Variants in ESRRB observed in about 807,000 individuals in gnomAD.
ESRRB encodes steroid hormone receptor ERR2.
In ESRRB, 16 loss-of-function variants were observed where a neutral mutation model predicts 46.0. That is an observed-to-expected ratio of 0.35 (90% CI 0.24 to 0.53). ESRRB has a LOEUF of 0.53. Among genes scored for constraint, ESRRB ranks in the 20% least tolerant of loss-of-function variants. The pLI is 0.93. For synonymous variants in ESRRB, 246 were observed against 259.6 expected (o/e 0.95, Z 0.50); for missense variants, 488 against 607.4 (o/e 0.80, Z 2.07).
upstream of ESRRB, among the ~76,000 whole-genome samples, chr14:76,370,747 T>C (rs547857717): frequency 6.6e-6 from 1 of 152,124 alleles, no homozygotes; most frequent in African/African-American, 2.4e-5. Context: ...TGGTAGTTGG[T>C]AGGAAAAAAA....
At chr14:76,424,893 C>A (rs149123663) in intron 1 of ESRRB, among the ~76,000 whole-genome samples, 1 of 152,092 alleles carries the variant, frequency 6.6e-6, no homozygotes, top group Admixed American at 6.5e-5. Context: ...TGCACCACCA[C>A]GCCCGGCTAA....
chr14:76,358,662 T>G (rs776760022), intron 1 of ESRRB, among the ~76,000 whole-genome samples: 11 of 152,220 alleles, frequency 7.2e-5, no homozygotes, highest in Non-Finnish European at 7.3e-5. Flanking sequence ...TCACCTTGCG[T>G]TCACTAAAAC....
intron 1 of ESRRB, among the ~76,000 whole-genome samples, chr14:76,351,360 C>T (rs997019678): frequency 6.8e-5 from 10 of 146,228 alleles, no homozygotes; most frequent in East Asian, 3.8e-4. Context: ...ATTCTTCCTA[C>T]GTCTTCCTCA....
intron 1 of ESRRB, among the ~76,000 whole-genome samples, chr14:76,432,811 A>T (rs924715578): frequency 3.3e-4 from 42 of 127,976 alleles, no homozygotes; most frequent in Admixed American, 2.6e-3. Context: ...AGTAGCTAGG[A>T]CTACAGGCGC....
At chr14:76,435,655 C>A (rs976793336) in intron 1 of ESRRB, among the ~76,000 whole-genome samples, 24 of 152,194 alleles carry the variant, frequency 1.6e-4, no homozygotes, top group Non-Finnish European at 2.2e-4. Flanking sequence ...CAGGGTGAAA[C>A]CCCCATCTCT....
intron 1 of ESRRB, among the ~76,000 whole-genome samples, chr14:76,421,840 G>A (rs1424876361): frequency 1.3e-5 from 2 of 152,196 alleles, no homozygotes. Context: ...TCACTACCCA[G>A]GGAGGGAGGG....
intron 3 of ESRRB, among the ~76,000 whole-genome samples, chr14:76,465,482 CAG>C (rs947784138): frequency 2.6e-5 from 4 of 152,170 alleles, no homozygotes; most frequent in African/African-American, 9.7e-5. Context: ...GGTGGCCACT[CAG>C]ACATCCAGAC....
Position 76,355,658 on chromosome 14 carries a change from G to A in ESRRB, c.2+44742G>A, listed in dbSNP as rs1884370635. ...TGCTGGGCAGTAATAAATGCTCAAG[G>A]GTGGCCAAGCTGCCTAACTTCTCTG... On this transcript the variant is annotated intron_variant, in intron 1 of 6. Transcript: ENST00000512784. Among the ~76,000 whole-genome samples, 2 of 152,122 alleles carry A rather than the reference G, an allele frequency of 1.3e-5. 1 individual carries two copies. The highest frequency in any genetic ancestry group is 4.1e-4 in the South Asian group (2 of 4,824).
chr14:76,330,646 C>T lies in ESRRB; in HGVS notation c.2+19730C>T, dbSNP rs557849156. The stretch of plus-strand genomic sequence containing the variant: ...GGATCGAGGATCGTGGTGGCTGGGT[C>T]GCCAGGGGGCTTCGGGAAGCTTTAG... On this transcript the variant is annotated intron_variant, in intron 1 of 6. Transcript: ENST00000512784. 4.6e-5 allele frequency among the ~76,000 whole-genome samples: 7 copies of T among 152,236 alleles called. No homozygotes were observed. In the South Asian group the frequency reaches 1.0e-3, roughly 23 times the overall value.
Position 76,499,196 on chromosome 14 carries a change from C to T in ESRRB, c.*738C>T. The T allele has an allele frequency of 3.6e-6, 1 of 277,622 alleles. No individual in the cohort carries two copies. Among genetic ancestry groups the T allele is most frequent in the South Asian group, 3.8e-5 (1 of 26,514 alleles). The allele number at this position is 277,622 out of a possible 1,614,324, so 17.2% of individuals were successfully genotyped here. ...CTTCCTGACCCTACCTCAGAGCTCACTCACCCAGTGGGTTCAGCCAGCCAC... is the reference window on the plus strand; with the variant it reads ...CTTCCTGACCCTACCTCAGAGCTCATTCACCCAGTGGGTTCAGCCAGCCAC... On this transcript the variant is annotated 3_prime_UTR_variant, in exon 7 of 7. Transcript: ENST00000644823.
At chr14:76,422,729 T>C (rs1037008867) in intron 1 of ESRRB, among the ~76,000 whole-genome samples, 1 of 152,220 alleles carries the variant, frequency 6.6e-6, no homozygotes, top group Admixed American at 6.5e-5. Context: ...ATATTACCCA[T>C]TTTGCAGATG....
At chr14:76,333,463 A>T (rs373852579) in intron 1 of ESRRB, among the ~76,000 whole-genome samples, 144 of 52,994 alleles carry the variant, frequency 2.7e-3, no homozygotes, top group Non-Finnish European at 3.8e-3. Flanking sequence ...ATCATATATA[A>T]ATATATCATA....
At chr14:76,388,258 G>A (rs902804442) in intron 1 of ESRRB, among the ~76,000 whole-genome samples, 4 of 146,372 alleles carry the variant, frequency 2.7e-5, no homozygotes, top group South Asian at 2.1e-4. Flanking sequence ...GGCTCACTGC[G>A]CGCTCTGCCT....
chr14:76,419,354 G>T (rs1886843487), intron 1 of ESRRB, among the ~76,000 whole-genome samples: 2 of 152,294 alleles, frequency 1.3e-5, no homozygotes, highest in South Asian at 4.1e-4. Flanking sequence ...TCGAACTCAG[G>T]AATCAAGGGT....
chr14:76,324,526 C>T (rs975944891), intron 1 of ESRRB, among the ~76,000 whole-genome samples: 14 of 152,104 alleles, frequency 9.2e-5, no homozygotes, highest in African/African-American at 2.4e-4. Flanking sequence ...GGGGGTCCCT[C>T]GAGAATGTGA....
intron 5 of ESRRB, among the ~76,000 whole-genome samples, chr14:76,489,926 C>G (rs146422788): frequency 1.6e-3 from 245 of 152,316 alleles, no homozygotes; most frequent in African/African-American, 5.6e-3. Flanking sequence ...TTAGTAACAA[C>G]AGCCACAGCC....
At chr14:76,356,418 G>A (rs184491781) in intron 1 of ESRRB, among the ~76,000 whole-genome samples, 90 of 152,322 alleles carry the variant, frequency 5.9e-4, no homozygotes, top group Non-Finnish European at 5.3e-4. Context: ...AGGAGACTGC[G>A]ACAGAGACTT....
upstream of ESRRB, among the ~76,000 whole-genome samples, chr14:76,373,012 T>C (rs1284295787): frequency 6.6e-6 from 1 of 152,222 alleles, no homozygotes; most frequent in Non-Finnish European, 1.5e-5. Context: ...TGGTTCTAAA[T>C]GGTTCTCTGA....
chr14:76,487,419 G>C (rs769381130), intron 5 of ESRRB, among the ~76,000 whole-genome samples: 1 of 151,870 alleles, frequency 6.6e-6, no homozygotes, highest in African/African-American at 2.4e-5. Flanking sequence ...GTCTTTCCAC[G>C]TCCACACAGA....
Sources: gnomAD v4.1 joint callset for allele counts (sites outside exome capture counted in the v4.1 genomes callset) on GRCh38, gnomAD v4.1.1 for gene constraint, MANE v1.5 for transcripts, NCBI Gene and HGNC (gene_info 2026-07-23, HGNC 2026-07-21) for gene names.